SCN8A: variants seen among roughly 807,000 people sequenced by gnomAD.
SCN8A encodes the protein sodium channel protein type 8 subunit alpha.
SCN8A carries 30 observed loss-of-function variants against 184.1 expected under a neutral mutation model. The observed-to-expected ratio is 0.16, with a 90% CI of 0.12 to 0.22. The LOEUF (loss-of-function observed/expected upper bound fraction) is 0.22. SCN8A is among the 10% of genes least tolerant of loss of function. SCN8A has a pLI of 1.00. For missense variants in SCN8A, 1,057 were observed against 2,498.9 expected (o/e 0.42, Z 12.30); for synonymous variants, 852 against 907.0 (o/e 0.94, Z 1.09).
intron 1 of SCN8A, among the ~76,000 whole-genome samples, chr12:51,625,598 G>GT (rs755910201): frequency 4.2e-4 from 64 of 152,264 alleles, no homozygotes; most frequent in Non-Finnish European, 7.5e-4. Context: ...AAACTGTGCG[G>GT]TATTAGAGTT....
intron 26 of SCN8A, among the ~76,000 whole-genome samples, chr12:51,805,477 A>C (rs1938672951): frequency 6.6e-6 from 1 of 151,906 alleles, no homozygotes; most frequent in Admixed American, 6.6e-5. Context: ...TAACCATAGT[A>C]GGAAATTATA....
intron 21 of SCN8A, among the ~76,000 whole-genome samples, chr12:51,785,611 T>C (rs1938063005): frequency 6.6e-6 from 1 of 152,140 alleles, no homozygotes; most frequent in Non-Finnish European, 1.5e-5. Flanking sequence ...TAAAGCAAAA[T>C]CAAAGTTGAA....
chr12:51,650,947 T>C (rs537075213), intron 1 of SCN8A, among the ~76,000 whole-genome samples: 4 of 152,314 alleles, frequency 2.6e-5, no homozygotes, highest in East Asian at 3.9e-4. Flanking sequence ...TCTATAGATA[T>C]TAAATTAACT....
At position 51,809,021 on chromosome 12, in the gene SCN8A, T is replaced by C. The variant is rs1938805611; in HGVS notation, c.*1592T>C. ...GGTTTCTTTACTGCACTGGTTTTCA[T>C]GAGAAAGCAATTTAATATTAATTCT... On this transcript the variant is annotated 3_prime_UTR_variant, in exon 27 of 27. Transcript: ENST00000627620. The C allele has an allele frequency of 6.6e-6, 1 of 152,248 alleles. No individual in the cohort carries two copies. Among genetic ancestry groups the C allele is most frequent in the African/African-American group, 2.4e-5 (1 of 41,450 alleles). 9.4% of individuals were successfully genotyped at this position (152,248 alleles called of 1,614,324 possible). A position where few individuals can be genotyped will look rare whatever the true frequency, so the allele number is the denominator to read the frequency against.
At chr12:51,703,650 A>G (rs183139335) in intron 9 of SCN8A, among the ~76,000 whole-genome samples, 4 of 152,326 alleles carry the variant, frequency 2.6e-5, no homozygotes, top group East Asian at 1.9e-4. Flanking sequence ...GCTGGTTGTA[A>G]TGAAGTTAGT....
At chr12:51,700,183 A>AC (rs34294501) in intron 7 of SCN8A, among the ~76,000 whole-genome samples, 2,420 of 141,634 alleles carry the variant, frequency 0.017, 65 homozygotes, top group African/African-American at 0.054. Flanking sequence ...AAAAAAAAAC[A>AC]AAAAAAAAAA....
At chr12:51,629,117 A>G (rs991630982) in intron 1 of SCN8A, among the ~76,000 whole-genome samples, 1 of 152,242 alleles carries the variant, frequency 6.6e-6, no homozygotes, top group African/African-American at 2.4e-5. Context: ...TCGTAGAGGC[A>G]AATTCTAACA....
chr12:51,632,583 A>C (rs1464128603), intron 1 of SCN8A, among the ~76,000 whole-genome samples: 1 of 152,224 alleles, frequency 6.6e-6, no homozygotes, highest in Non-Finnish European at 1.5e-5. Context: ...CTAGGGTCGT[A>C]TCATAACAGT....
At position 51,734,183 on chromosome 12, in the gene SCN8A, T is replaced by G. The variant is rs981713010; in HGVS notation, c.1999-11720T>G. Among the ~76,000 whole-genome samples the G allele has an allele frequency of 3.7e-4, 57 of 152,234 alleles. 2 individuals carry two copies. Among genetic ancestry groups the G allele is most frequent in the Non-Finnish European group, 8.8e-5 (6 of 68,042 alleles). On this transcript the variant is annotated intron_variant, in intron 12 of 26. Transcript: ENST00000627620. ...TATTAATTTGAAGTTTTTCTTCTTTTTTGATGTCAGTGCTGCTGAGACCAG... is the reference window on the plus strand; with the variant it reads ...TATTAATTTGAAGTTTTTCTTCTTTGTTGATGTCAGTGCTGCTGAGACCAG...
chr12:51,780,658 G>C lies in SCN8A; in HGVS notation c.3829G>C (p.Val1277Leu). The change falls in exon 21 of 27, where the codon GTC becomes CTC. Residue 1277 changes from valine (V) to leucine (L), a missense_variant. By Grantham distance (32) the Val-to-Leu change is conservative. Around this residue, in one of 19 missense-constraint regions of SCN8A, gnomAD observed 43 missense variants for 118.4 expected, o/e 0.36. Transcript: ENST00000627620. ...LDFLIVAVSL[V>L]SLIANALGYS... ...TTCTGTTTCTGTGTAGGTCTCTTTA[G>C]TCAGCCTTATAGCTAATGCCCTGGG... The C allele has an allele frequency of 1.5e-6, 2 of 1,369,822 alleles. No homozygotes were observed. Among genetic ancestry groups the C allele is most frequent in the Non-Finnish European group, 1.9e-6 (2 of 1,050,400 alleles). The allele number at this position is 1,369,822 out of a possible 1,614,324, so 84.9% of individuals were successfully genotyped here. A position where few individuals can be genotyped will look rare whatever the true frequency, so the allele number is the denominator to read the frequency against.
At chr12:51,601,404 C>T (rs546880241) in intron 1 of SCN8A, among the ~76,000 whole-genome samples, 23 of 150,264 alleles carry the variant, frequency 1.5e-4, no homozygotes, top group African/African-American at 5.6e-4. Context: ...AAACAAAGTA[C>T]AGTGATCATA....
At chr12:51,699,499 C>A in intron 6 of SCN8A, 71 bp from the exon 7 acceptor site, 1 of 1,192,218 alleles carries the variant, frequency 8.4e-7, no homozygotes, top group Non-Finnish European at 1.2e-6. Flanking sequence ...CAGCCAGTGG[C>A]TAAGAGGGAG....
At chr12:51,802,940 A>G (rs1419064267) in intron 26 of SCN8A, among the ~76,000 whole-genome samples, 1 of 152,202 alleles carries the variant, frequency 6.6e-6, no homozygotes, top group Non-Finnish European at 1.5e-5. Context: ...AAAACCAACT[A>G]AAGAAATCTA....
At chr12:51,704,672 A>C (rs1941750358) in intron 9 of SCN8A, among the ~76,000 whole-genome samples, 1 of 43,152 alleles carries the variant, frequency 2.3e-5, no homozygotes, top group African/African-American at 5.4e-5. Context: ...TCCACCTACA[A>C]AAAAAAAAAA....
At chr12:51,657,901 G>A (rs1940853952) in intron 1 of SCN8A, among the ~76,000 whole-genome samples, 1 of 151,942 alleles carries the variant, frequency 6.6e-6, no homozygotes, top group African/African-American at 2.4e-5. Flanking sequence ...TGTTCTTGGT[G>A]CCTTTGTCAA....
intron 1 of SCN8A, among the ~76,000 whole-genome samples, chr12:51,622,437 T>A (rs2138598967): frequency 6.6e-6 from 1 of 152,310 alleles, no homozygotes; most frequent in Non-Finnish European, 1.5e-5. Context: ...TTCTGGTGTG[T>A]GACAGTTTCT....
chr12:51,778,504 G>A (rs1296141937), intron 20 of SCN8A, among the ~76,000 whole-genome samples: 7 of 152,012 alleles, frequency 4.6e-5, no homozygotes, highest in Non-Finnish European at 7.4e-5. Flanking sequence ...GGCCAGGCTG[G>A]TCTCGAACTT....
intron 22 of SCN8A, among the ~76,000 whole-genome samples, chr12:51,787,446 A>C (rs1231730585): frequency 6.6e-6 from 1 of 152,244 alleles, no homozygotes; most frequent in African/African-American, 2.4e-5. Context: ...TAATGCAGTG[A>C]AAGCTCGTAG....
At chr12:51,777,696 T>G (rs1937750126) in intron 20 of SCN8A, among the ~76,000 whole-genome samples, 1 of 152,178 alleles carries the variant, frequency 6.6e-6, no homozygotes, top group African/African-American at 2.4e-5. Flanking sequence ...TGAATTGGCC[T>G]TTAGACCTCC....
Sources: gnomAD v4.1 joint callset for allele counts (sites outside exome capture counted in the v4.1 genomes callset) on GRCh38, gnomAD v4.1.1 for gene constraint, gnomAD v4.1.1 regional missense constraint, MANE v1.5 for transcripts, NCBI Gene and HGNC (gene_info 2026-07-23, HGNC 2026-07-21) for gene names.